Variants in SH3RF3 observed in about 807,000 individuals in gnomAD.
SH3RF3 encodes the protein SH3 domain containing ring finger 3.
In SH3RF3, 29 loss-of-function variants were observed where a neutral mutation model predicts 66.3. That is an observed-to-expected ratio of 0.44 (90% CI 0.33 to 0.60). SH3RF3 has a LOEUF of 0.60. Among genes scored for constraint, SH3RF3 ranks in the 20% least tolerant of loss-of-function variants. SH3RF3 has a pLI of 0.04. For synonymous variants in SH3RF3, 583 were observed against 532.0 expected (o/e 1.10, Z -1.32); for missense variants, 1,194 against 1,190.9 (o/e 1.00, Z -0.04).
intron 1 of SH3RF3, among the ~76,000 whole-genome samples, chr2:109,238,650 G>T (rs1679705508): frequency 6.6e-6 from 1 of 152,166 alleles, no homozygotes; most frequent in Non-Finnish European, 1.5e-5. Context: ...AACCCAGAGT[G>T]TGATGAATGG....
chr2:109,313,358 C>T (rs924542602), intron 1 of SH3RF3, among the ~76,000 whole-genome samples: 1 of 152,220 alleles, frequency 6.6e-6, no homozygotes, highest in African/African-American at 2.4e-5. Flanking sequence ...TGCAGTTCAG[C>T]CTAATGCACA....
At chr2:109,238,777 A>G (rs1679708036) in intron 1 of SH3RF3, among the ~76,000 whole-genome samples, 1 of 152,062 alleles carries the variant, frequency 6.6e-6, no homozygotes, top group Non-Finnish European at 1.5e-5. Flanking sequence ...GGCTCTTGCA[A>G]TACAGAGGCA....
At chr2:109,356,153 T>C (rs1325250469) in intron 2 of SH3RF3, among the ~76,000 whole-genome samples, 1 of 151,926 alleles carries the variant, frequency 6.6e-6, no homozygotes, top group African/African-American at 2.4e-5. Flanking sequence ...ATTCTTAGAG[T>C]TAATTATGGA....
intron 1 of SH3RF3, among the ~76,000 whole-genome samples, chr2:109,144,321 C>T (rs1000217820): frequency 2.0e-5 from 3 of 152,124 alleles, no homozygotes; most frequent in Admixed American, 2.0e-4. Flanking sequence ...TGTTATACCT[C>T]AATAAAACAG....
At chr2:109,236,490 T>C (rs1206089278) in intron 1 of SH3RF3, among the ~76,000 whole-genome samples, 1 of 152,166 alleles carries the variant, frequency 6.6e-6, no homozygotes, top group Non-Finnish European at 1.5e-5. Context: ...GAAAAGGTGG[T>C]CTTCTTGGGT....
chr2:109,240,473 C>CA (rs1422877610), intron 1 of SH3RF3, among the ~76,000 whole-genome samples: 1 of 151,952 alleles, frequency 6.6e-6, no homozygotes, highest in African/African-American at 2.4e-5. Context: ...GGGCGACAAA[C>CA]AAAAAAACAA....
At chr2:109,222,889 G>A (rs573120217) in intron 1 of SH3RF3, among the ~76,000 whole-genome samples, 3 of 152,352 alleles carry the variant, frequency 2.0e-5, no homozygotes, top group South Asian at 4.1e-4. Flanking sequence ...AGGTGTCCGC[G>A]TGTATCCCAC....
At chr2:109,148,289 G>A (rs1447610439) in intron 1 of SH3RF3, among the ~76,000 whole-genome samples, 6 of 152,230 alleles carry the variant, frequency 3.9e-5, no homozygotes, top group Non-Finnish European at 5.9e-5. Context: ...AGCAGAGCAC[G>A]TGAGGGAATC....
intron 1 of SH3RF3, among the ~76,000 whole-genome samples, chr2:109,332,631 C>T (rs1358533472): frequency 2.6e-5 from 4 of 152,162 alleles, no homozygotes; most frequent in Admixed American, 6.5e-5. Context: ...AGGGCTGCCC[C>T]GTGGGTGGAA....
intron 6 of SH3RF3, among the ~76,000 whole-genome samples, chr2:109,436,510 A>G (rs770004287): frequency 2.6e-5 from 4 of 152,142 alleles, no homozygotes; most frequent in Non-Finnish European, 4.4e-5. Flanking sequence ...TCCTTTCCCC[A>G]ATGTGCTGGA....
intron 1 of SH3RF3, among the ~76,000 whole-genome samples, chr2:109,319,434 G>A (rs1023910384): frequency 4.6e-5 from 7 of 152,224 alleles, no homozygotes; most frequent in Admixed American, 6.5e-5. Flanking sequence ...CTGCTGGGCT[G>A]AAAGCTTGGA....
rs145308817 is a variant in SH3RF3, at chr2:109,181,611, C to G, written c.573+51498C>G. 7.2e-5 allele frequency among the ~76,000 whole-genome samples: 11 copies of G among 152,290 alleles called. No homozygotes were observed. The East Asian group carries it at 2.1e-3, about 29-fold the overall frequency. On this transcript the variant is annotated intron_variant, in intron 1 of 9. Transcript: ENST00000309415. ...ATTAAAAGTTATGTTTTTACCTTCC[C>G]CTCCAGCATAAGGACCTGCAGTAGA...
chr2:109,361,201 T>C (rs1683045412), intron 2 of SH3RF3, among the ~76,000 whole-genome samples: 1 of 152,234 alleles, frequency 6.6e-6, no homozygotes, highest in African/African-American at 2.4e-5. Context: ...TATAATTCTT[T>C]TTATACCTTG....
At chr2:109,189,413 G>C (rs1678285271) in intron 1 of SH3RF3, among the ~76,000 whole-genome samples, 1 of 150,290 alleles carries the variant, frequency 6.7e-6, no homozygotes, top group African/African-American at 2.5e-5. Context: ...CTGTCGCCCA[G>C]GCTGGAGTGC....
chr2:109,354,677 C>T (rs77871578), intron 2 of SH3RF3, among the ~76,000 whole-genome samples: 18,579 of 152,222 alleles, frequency 0.12, 1,292 homozygotes, highest in Middle Eastern at 0.24. Context: ...CAGTGTGCTC[C>T]GCCAGCCACC....
intron 1 of SH3RF3, among the ~76,000 whole-genome samples, chr2:109,180,614 C>G (rs899586793): frequency 6.6e-6 from 1 of 152,158 alleles, no homozygotes; most frequent in Non-Finnish European, 1.5e-5. Flanking sequence ...ATAAGTCTCA[C>G]GAGATCTGAT....
At chr2:109,364,159 G>GTT (rs564757649) in intron 2 of SH3RF3, among the ~76,000 whole-genome samples, 19 of 141,856 alleles carry the variant, frequency 1.3e-4, no homozygotes, top group African/African-American at 4.6e-4. Context: ...CTCCATTATG[G>GTT]TTTTTTTTTT....
At chr2:109,135,557 T>C (rs1296453948) in intron 1 of SH3RF3, among the ~76,000 whole-genome samples, 2 of 152,248 alleles carry the variant, frequency 1.3e-5, no homozygotes, top group Non-Finnish European at 2.9e-5. Flanking sequence ...AAGTCTCTTA[T>C]CACGCGTGAG....
intron 7 of SH3RF3, among the ~76,000 whole-genome samples, chr2:109,442,323 AAAAG>A (rs1295314571): frequency 6.6e-6 from 1 of 151,952 alleles, no homozygotes; most frequent in Non-Finnish European, 1.5e-5. Context: ...AAAAAAAAAA[AAAAG>A]AAAAAATCCA....
Sources: gnomAD v4.1 joint callset for allele counts (sites outside exome capture counted in the v4.1 genomes callset) on GRCh38, gnomAD v4.1.1 for gene constraint, MANE v1.5 for transcripts, NCBI Gene and HGNC (gene_info 2026-07-23, HGNC 2026-07-21) for gene names.